The following TMEM232 variants were observed in gnomAD, a reference collection of about 807,000 sequenced individuals.
TMEM232 encodes transmembrane protein 232.
Under a neutral mutation model 78.8 loss-of-function variants are expected in TMEM232, and 80 were observed. That is an observed-to-expected ratio of 1.01 (90% CI 0.85 to 1.22). The LOEUF (loss-of-function observed/expected upper bound fraction) is 1.22. Among genes scored for constraint, TMEM232 ranks in the 50% most tolerant of loss-of-function variants. The pLI is 0.00. For missense variants in TMEM232, 881 were observed against 742.2 expected (o/e 1.19, Z -2.17); for synonymous variants, 297 against 254.3 (o/e 1.17, Z -1.60).
At chr5:110,508,117 A>T (rs909198634) in intron 12 of TMEM232, among the ~76,000 whole-genome samples, 7 of 152,156 alleles carry the variant, frequency 4.6e-5, no homozygotes, top group Non-Finnish European at 8.8e-5. Flanking sequence ...AAGGAAAAAA[A>T]ACCCCAAGGG....
At chr5:110,563,382 T>G (rs1045813917) in intron 11 of TMEM232, among the ~76,000 whole-genome samples, 6 of 151,956 alleles carry the variant, frequency 3.9e-5, no homozygotes, top group African/African-American at 7.2e-5. Flanking sequence ...AAATGGCATA[T>G]AAATAGAATT....
chr5:110,485,792 C>T (rs1297515837), intron 12 of TMEM232, among the ~76,000 whole-genome samples: 1 of 152,058 alleles, frequency 6.6e-6, no homozygotes. Context: ...GTGCAAGTAT[C>T]TTTTTTAGAA....
intron 11 of TMEM232, among the ~76,000 whole-genome samples, chr5:110,557,758 T>C (rs891120601): frequency 4.6e-5 from 7 of 152,140 alleles, no homozygotes; most frequent in Admixed American, 3.9e-4. Context: ...ATTAGAAATC[T>C]CTTCCATTAT....
At chr5:110,494,113 G>A (rs1765402740) in intron 12 of TMEM232, among the ~76,000 whole-genome samples, 18 of 151,988 alleles carry the variant, frequency 1.2e-4, no homozygotes, top group Admixed American at 1.2e-3. Flanking sequence ...TTTTATGGCT[G>A]CATAGTATTC....
In TMEM232 at chr5:110,448,706, A is replaced by T. The variant is rs141921241; in HGVS notation, c.1704-23790T>A. Among the ~76,000 whole-genome samples, 6 of 152,168 alleles carry T rather than the reference A, an allele frequency of 3.9e-5. No individual in the cohort carries two copies. In the East Asian group the frequency reaches 9.6e-4, roughly 24 times the overall value. ...ATTCCCCCTCTCACATGGAATGAGGAAAGTATCAAAAGGAGGAAGGGATGC... is the reference window on the plus strand; with the variant it reads ...ATTCCCCCTCTCACATGGAATGAGGTAAGTATCAAAAGGAGGAAGGGATGC... On this transcript the variant is annotated intron_variant, in intron 12 of 13. Coordinates refer to ENST00000455884, the MANE Select transcript of TMEM232 (RefSeq NM_001039763.4).
chr5:110,405,800 C>G (rs988774198), intron 2 of TMEM232, among the ~76,000 whole-genome samples: 4 of 147,934 alleles, frequency 2.7e-5, no homozygotes, highest in Non-Finnish European at 4.5e-5. Context: ...AAGTTTAGCA[C>G]GCTTGTATTT....
intron 2 of TMEM232, among the ~76,000 whole-genome samples, chr5:110,399,693 C>T (rs1377230140): frequency 6.6e-6 from 1 of 152,066 alleles, no homozygotes; most frequent in African/African-American, 2.4e-5. Context: ...GGTTCTGAAG[C>T]TTTTAAGCTC....
intron 12 of TMEM232, among the ~76,000 whole-genome samples, chr5:110,428,582 T>G (rs1757496012): frequency 6.6e-6 from 1 of 151,528 alleles, no homozygotes; most frequent in Non-Finnish European, 1.5e-5. Context: ...TGAATCAACA[T>G]ACTTTCTAAT....
At chr5:110,421,484 A>G (rs1028458548) in intron 13 of TMEM232, among the ~76,000 whole-genome samples, 2 of 151,994 alleles carry the variant, frequency 1.3e-5, no homozygotes, top group Non-Finnish European at 1.5e-5. Context: ...AGGAAATGAT[A>G]AAAACAGATG....
intron 8 of TMEM232, among the ~76,000 whole-genome samples, chr5:110,615,519 C>T (rs1782814291): frequency 6.6e-6 from 1 of 151,910 alleles, no homozygotes; most frequent in Non-Finnish European, 1.5e-5. Flanking sequence ...AAGCCTACAA[C>T]TGACATTATC....
chr5:110,591,158 C>T (rs1234104112), intron 10 of TMEM232, among the ~76,000 whole-genome samples: 1 of 152,038 alleles, frequency 6.6e-6, no homozygotes, highest in East Asian at 1.9e-4. Context: ...AAAAATGGTC[C>T]ATAAGAACAT....
At chr5:110,502,545 TG>T (rs1279138267) in intron 12 of TMEM232, among the ~76,000 whole-genome samples, 5 of 152,204 alleles carry the variant, frequency 3.3e-5, no homozygotes, top group African/African-American at 9.6e-5. Context: ...ATAGGCAAAT[TG>T]GCTCTTGTCA....
At chr5:110,701,914 G>C (rs1795474818) in intron 1 of TMEM232, among the ~76,000 whole-genome samples, 1 of 151,966 alleles carries the variant, frequency 6.6e-6, no homozygotes, top group Non-Finnish European at 1.5e-5. Flanking sequence ...CTCAAATTTT[G>C]CTTAACAGAA....
chr5:110,483,751 A>AT (rs540715876), intron 12 of TMEM232, among the ~76,000 whole-genome samples: 100 of 150,374 alleles, frequency 6.7e-4, no homozygotes, highest in Middle Eastern at 3.4e-3. Context: ...AAGTATAATA[A>AT]AAAAAAAAGA....
intron 11 of TMEM232, among the ~76,000 whole-genome samples, chr5:110,557,351 A>G (rs539831937): frequency 2.8e-4 from 42 of 152,312 alleles, no homozygotes; most frequent in Admixed American, 2.0e-3. Flanking sequence ...TTGGCCATTC[A>G]GATTCTGAAT....
In TMEM232 at chr5:110,638,281, C is replaced by A; in HGVS notation, c.418G>T (p.Val140Phe). 1 of 1,550,758 alleles carries A rather than the reference C, an allele frequency of 6.4e-7. No individual in the cohort carries two copies. Among genetic ancestry groups the A allele is most frequent in the Middle Eastern group, 1.7e-4 (1 of 5,984 alleles). Residue 140 changes from valine to phenylalanine, a missense_variant, in exon 5 of 14, where the codon GTT (valine) becomes TTT (phenylalanine). Val to Phe is a conservative substitution (Grantham distance 50). Coordinates refer to ENST00000455884, the MANE Select transcript of TMEM232 (RefSeq NM_001039763.4). ...DYDHLPALFF[V>F]AESVLYRLCC... ...AGTCTGTATAAAACCGATTCCGCAA[C>A]AAAAAATAAGGCAGGCAGATGATCA...
intron 1 of TMEM232, among the ~76,000 whole-genome samples, chr5:110,715,913 T>C (rs1205083052): frequency 6.6e-6 from 1 of 152,176 alleles, no homozygotes; most frequent in East Asian, 1.9e-4. Context: ...CTATAACCTC[T>C]TATTATAAAC....
intron 1 of TMEM232, among the ~76,000 whole-genome samples, chr5:110,682,073 A>T (rs1226917029): frequency 2.0e-5 from 3 of 152,214 alleles, no homozygotes; most frequent in Non-Finnish European, 4.4e-5. Flanking sequence ...ATCACAATTA[A>T]ATGTAAAGAA....
chr5:110,588,870 G>C (rs1263940366), intron 10 of TMEM232, among the ~76,000 whole-genome samples: 1 of 151,744 alleles, frequency 6.6e-6, no homozygotes, highest in Non-Finnish European at 1.5e-5. Flanking sequence ...GATATTTTGG[G>C]GTCTATCATT....
Sources: allele counts gnomAD v4.1 joint callset (sites outside exome capture counted in the v4.1 genomes callset), GRCh38; gene constraint gnomAD v4.1.1; transcripts MANE v1.5; gene names NCBI Gene and HGNC (gene_info 2026-07-23, HGNC 2026-07-21).